Variants in STK31 observed in about 807,000 individuals in gnomAD.
STK31 encodes serine/threonine-protein kinase 31.
STK31 carries 89 observed loss-of-function variants against 129.7 expected under a neutral mutation model. The ratio of observed to expected loss-of-function variants is 0.69; its 90% CI spans 0.58 to 0.82. The LOEUF is 0.82. STK31 is among the 40% of genes least tolerant of loss of function. The pLI is 0.00. For missense variants in STK31, 1,187 were observed against 1,176.4 expected, an observed-to-expected ratio of 1.01 and a Z score of -0.13; for synonymous variants, 448 against 395.3, an observed-to-expected ratio of 1.13 and a Z score of -1.58.
rs184066355 is a variant in STK31 at position 23,801,601 on chromosome 7, A to T, written c.2760+10655A>T. On this transcript the variant is annotated intron_variant, in intron 22 of 23. Coordinates refer to ENST00000355870, the MANE Select transcript of STK31 (RefSeq NM_031414.5). ...GTATCATGCTTTTAGTGTTGTGTAT[A>T]AGAACTCTTCGCATAACCCAAAGAC... 2.4e-3 allele frequency among the ~76,000 whole-genome samples: 362 copies of T among 152,264 alleles called. 1 individual carries two copies. Among genetic ancestry groups the T allele is most frequent in the African/African-American group, 8.2e-3 (342 of 41,564 alleles).
In STK31 at chr7:23,781,440, C is replaced by T; in HGVS notation, c.1987C>T (p.Gln663Ter). 6.2e-7 allele frequency: 1 copy of T among 1,610,896 alleles called. No homozygotes were observed. Among genetic ancestry groups the T allele is most frequent in the African/African-American group, 1.3e-5 (1 of 74,846 alleles). ...LEESDDPDGS[Q>*]IEKIKEEITQ... The stretch of plus-strand genomic sequence containing the variant: ...CAAGTCAGATGATCCTGATGGCTCT[C>T]AAATTGAGAAAATAAAAGAAGAAAT... Residue 663 changes from glutamine to a stop codon, truncating the protein, a stop_gained, in exon 16 of 24, where the codon CAA becomes TAA. Transcript: ENST00000355870. LOFTEE classifies it high-confidence loss of function.
At chr7:23,816,954 G>C (rs1409386056) in intron 23 of STK31, among the ~76,000 whole-genome samples, 2 of 152,132 alleles carry the variant, frequency 1.3e-5, no homozygotes, top group Non-Finnish European at 2.9e-5. Flanking sequence ...GGGAGGCCGA[G>C]GTGGGCAGAT....
intron 4 of STK31, among the ~76,000 whole-genome samples, chr7:23,720,457 T>TA (rs1786625053): frequency 1.3e-5 from 2 of 152,180 alleles, no homozygotes; most frequent in African/African-American, 4.8e-5. Context: ...TTTCTGTGTC[T>TA]TATCAAGAGT....
At chr7:23,752,478 T>A (rs1279149561) in intron 8 of STK31, among the ~76,000 whole-genome samples, 1 of 151,976 alleles carries the variant, frequency 6.6e-6, no homozygotes, top group Non-Finnish European at 1.5e-5. Context: ...GCCTCCTAAG[T>A]AGCTAAGCTA....
intron 13 of STK31, among the ~76,000 whole-genome samples, chr7:23,770,041 C>G (rs917859496): frequency 1.3e-5 from 2 of 152,136 alleles, no homozygotes; most frequent in African/African-American, 4.8e-5. Context: ...AGTGGACAAT[C>G]TTGTCTATAT....
At chr7:23,788,391 A>G (rs1791423295) in intron 21 of STK31, among the ~76,000 whole-genome samples, 1 of 152,204 alleles carries the variant, frequency 6.6e-6, no homozygotes, top group Non-Finnish European at 1.5e-5. Context: ...TGTCATCATT[A>G]GGAAACATTT....
At chr7:23,736,584 CGG>C (rs57716103) in intron 7 of STK31, among the ~76,000 whole-genome samples, 5 of 74,184 alleles carry the variant, frequency 6.7e-5, no homozygotes, top group African/African-American at 9.8e-5. Flanking sequence ...GGGGGGATCA[CGG>C]GGGGGGGATC....
intron 6 of STK31, among the ~76,000 whole-genome samples, chr7:23,734,134 G>T (rs1787586644): frequency 6.6e-6 from 1 of 152,134 alleles, no homozygotes; most frequent in South Asian, 2.1e-4. Context: ...ACTCTTGTTT[G>T]TCTGATTATT....
intron 6 of STK31, among the ~76,000 whole-genome samples, chr7:23,731,727 A>G (rs572063454): frequency 1.3e-5 from 2 of 152,312 alleles, no homozygotes; most frequent in Admixed American, 1.3e-4. Context: ...AGAGAATATT[A>G]CATTACTAGT....
intron 4 of STK31, among the ~76,000 whole-genome samples, chr7:23,726,596 G>A (rs1787097572): frequency 6.8e-6 from 1 of 148,058 alleles, no homozygotes; most frequent in Non-Finnish European, 1.5e-5. Context: ...CAGGCCTGGC[G>A]ACAGAATGAG....
At chr7:23,754,868 A>G (rs190874651) in intron 10 of STK31, among the ~76,000 whole-genome samples, 2 of 152,320 alleles carry the variant, frequency 1.3e-5, no homozygotes, top group South Asian at 2.1e-4. Flanking sequence ...CATGGTGTAT[A>G]TGTACCACAT....
chr7:23,830,727 C>G (rs1035538314), intron 23 of STK31, among the ~76,000 whole-genome samples: 3 of 151,984 alleles, frequency 2.0e-5, no homozygotes, highest in African/African-American at 7.2e-5. Context: ...ACAAGCAATT[C>G]TCCTGCCTCA....
chr7:23,771,992 A>G (rs1584418847), intron 14 of STK31, 155 bp from the exon 15 acceptor site: 4 of 482,446 alleles, frequency 8.3e-6, no homozygotes, highest in East Asian at 7.4e-5. Flanking sequence ...AAGGAAATCT[A>G]TTGAATTGTC....
chr7:23,762,543 AAAAC>A (rs1415120962), intron 10 of STK31, among the ~76,000 whole-genome samples: 5 of 152,176 alleles, frequency 3.3e-5, no homozygotes, highest in African/African-American at 9.7e-5. Flanking sequence ...TTCTGTAAGA[AAAAC>A]AAAAATTTCA....
At chr7:23,720,654 C>T (rs2128065632) in intron 4 of STK31, among the ~76,000 whole-genome samples, 1 of 152,248 alleles carries the variant, frequency 6.6e-6, no homozygotes, top group Admixed American at 6.5e-5. Flanking sequence ...TTTAATAATT[C>T]ACTTGGCTGT....
chr7:23,713,026 A>G (rs1391711474), intron 3 of STK31, among the ~76,000 whole-genome samples: 1 of 152,178 alleles, frequency 6.6e-6, no homozygotes, highest in Non-Finnish European at 1.5e-5. Flanking sequence ...CTAGAAGAAT[A>G]TGATTAACCC....
At chr7:23,751,248 G>T (rs1240321009) in intron 8 of STK31, among the ~76,000 whole-genome samples, 1 of 152,030 alleles carries the variant, frequency 6.6e-6, no homozygotes, top group Non-Finnish European at 1.5e-5. Context: ...TGTATATACT[G>T]CATTTTCTTG....
chr7:23,717,488 A>G lies in STK31; in HGVS notation c.158A>G (p.Asn53Ser), dbSNP rs113382775. Residue 53 changes from asparagine to serine, a missense_variant, in exon 4 of 24, where the codon AAT becomes AGT. By Grantham distance (46) the Asn-to-Ser change is conservative. Around this residue, in one of 5 missense-constraint regions of STK31, gnomAD observed 104 missense variants for 98.3 expected, o/e 1.06. Transcript: ENST00000355870. The part of the protein sequence containing the change: ...DAVTFWAQSI[N>S]RNKDIMKIGC... Reference sequence around the variant, plus strand: ...TATATCTAATCTTTCTAGAGTATCAATAGAAATAAGGATATCATGAAGATT... The same window carrying G: ...TATATCTAATCTTTCTAGAGTATCAGTAGAAATAAGGATATCATGAAGATT... 2.1e-4 allele frequency: 334 copies of G among 1,604,690 alleles called. 1 individual carries two copies. The highest frequency in any genetic ancestry group is 9.2e-4 in the African/African-American group (69 of 74,636).
At position 23,823,774 on chromosome 7, in the gene STK31, A is replaced by G. The variant is rs190217480; in HGVS notation, c.2830-8362A>G. On this transcript the variant is annotated intron_variant, in intron 23 of 23. Transcript: ENST00000355870. ...TAATCCATCTTGAATTAATTTTTGT[A>G]TAAGGTGTAAGGAAGGGATCCAGTT... Among the ~76,000 whole-genome samples the G allele has an allele frequency of 7.2e-3, 1,095 of 152,310 alleles. 14 individuals are homozygous for G. The highest frequency in any genetic ancestry group is 0.025 in the African/African-American group (1,059 of 41,546).
Sources: allele counts gnomAD v4.1 joint callset (sites outside exome capture counted in the v4.1 genomes callset), GRCh38; gene constraint gnomAD v4.1.1; regional missense constraint gnomAD v4.1.1; transcripts MANE v1.5; gene names NCBI Gene and HGNC (gene_info 2026-07-23, HGNC 2026-07-21).